Variants in HDGFL3 observed in about 807,000 individuals in gnomAD.
HDGFL3 encodes hepatoma-derived growth factor-related protein 3.
Under a neutral mutation model 27.6 loss-of-function variants are expected in HDGFL3, and 6 were observed. The observed-to-expected ratio is 0.22, with a 90% CI of 0.12 to 0.43. The LOEUF (loss-of-function observed/expected upper bound fraction) is 0.43, where lower values mean the gene tolerates loss of function less well. HDGFL3 is among the 20% of genes least tolerant of loss of function. The pLI is 1.00. For missense variants in HDGFL3, 207 were observed against 250.1 expected, an observed-to-expected ratio of 0.83 and a Z score of 1.16; for synonymous variants, 88 against 88.9, an observed-to-expected ratio of 0.99 and a Z score of 0.05.
intron 2 of HDGFL3, among the ~76,000 whole-genome samples, chr15:83,162,096 C>G (rs776577020): frequency 6.6e-6 from 1 of 152,112 alleles, no homozygotes; most frequent in Non-Finnish European, 1.5e-5. Context: ...TTTCACATAC[C>G]TCCCCTGCAT....
At chr15:83,178,723 G>C (rs2037344519) in intron 1 of HDGFL3, among the ~76,000 whole-genome samples, 1 of 152,010 alleles carries the variant, frequency 6.6e-6, no homozygotes, top group African/African-American at 2.4e-5. Context: ...GAAAAATTGG[G>C]TTACCATTTT....
At chr15:83,143,038 C>T (rs1327540288) in intron 5 of HDGFL3, among the ~76,000 whole-genome samples, 2 of 151,168 alleles carry the variant, frequency 1.3e-5, no homozygotes, top group African/African-American at 4.9e-5. Flanking sequence ...TTTTTTGAGA[C>T]GGAGTCTTGC....
At chr15:83,175,031 G>A (rs2151412686) in intron 1 of HDGFL3, among the ~76,000 whole-genome samples, 1 of 152,270 alleles carries the variant, frequency 6.6e-6, no homozygotes, top group Non-Finnish European at 1.5e-5. Flanking sequence ...ATATGAAAGT[G>A]AAAAAATCTA....
At chr15:83,115,930 C>T in intron 3 of HDGFL3, 2 of 1,613,412 alleles carry the variant, frequency 1.2e-6, no homozygotes, top group Non-Finnish European at 1.7e-6. Context: ...TCATGACACA[C>T]TACTTGAGAG....
downstream of HDGFL3, among the ~76,000 whole-genome samples, chr15:83,125,350 T>C (rs1354024652): frequency 6.6e-6 from 1 of 152,102 alleles, no homozygotes; most frequent in Non-Finnish European, 1.5e-5. Context: ...TCTTTATTAA[T>C]ATTTTACTGC....
intron 1 of HDGFL3, among the ~76,000 whole-genome samples, chr15:83,173,655 C>A (rs983115956): frequency 3.3e-5 from 5 of 152,118 alleles, no homozygotes; most frequent in Non-Finnish European, 7.4e-5. Context: ...TTCCAAGCAA[C>A]CCCATTCACT....
At chr15:83,161,528 A>C (rs1387749805) in intron 2 of HDGFL3, among the ~76,000 whole-genome samples, 5 of 152,078 alleles carry the variant, frequency 3.3e-5, no homozygotes, top group Non-Finnish European at 5.9e-5. Context: ...AAGAGTTAAC[A>C]ATTTTTGCCC....
intron 1 of HDGFL3, among the ~76,000 whole-genome samples, chr15:83,168,457 G>C (rs1282297828): frequency 2.0e-5 from 3 of 152,296 alleles, no homozygotes; most frequent in South Asian, 4.1e-4. Context: ...AATCGGAAGT[G>C]ACTAAGGTGA....
chr15:83,174,443 A>G (rs2151412348), intron 1 of HDGFL3, among the ~76,000 whole-genome samples: 1 of 151,660 alleles, frequency 6.6e-6, no homozygotes, highest in South Asian at 2.1e-4. Context: ...ATTTCCCATT[A>G]CCTACTATAA....
chr15:83,200,087 T>C (rs1322143085), intron 1 of HDGFL3, among the ~76,000 whole-genome samples: 2 of 146,400 alleles, frequency 1.4e-5, no homozygotes, highest in Non-Finnish European at 3.0e-5. Flanking sequence ...CTTACACCTG[T>C]AATCCCAGCA....
chr15:83,156,064 T>C (rs1419987984), intron 4 of HDGFL3, among the ~76,000 whole-genome samples: 2 of 152,238 alleles, frequency 1.3e-5, no homozygotes, highest in South Asian at 4.1e-4. Flanking sequence ...TTTCTCATTA[T>C]GGCCTACAAG....
At chr15:83,115,286 T>G (rs2034555637) in exon 4 of HDGFL3, 1 of 214,166 alleles carries the variant, frequency 4.7e-6, no homozygotes, top group Non-Finnish European at 9.5e-6. Flanking sequence ...CCCAGAAAAT[T>G]TTTGTATTTT....
intron 5 of HDGFL3, chr15:83,144,813 T>C (rs902445362): frequency 1.8e-5 from 6 of 333,512 alleles, no homozygotes; most frequent in Non-Finnish European, 2.9e-5. Context: ...GGACTGTTGA[T>C]GAGTCTTGAA....
At position 83,169,409 on chromosome 15, in the gene HDGFL3, C is replaced by T. The variant is rs1231375719; in HGVS notation, c.85-5334G>A. On this transcript the variant is annotated intron_variant, in intron 1 of 5. Transcript: ENST00000299633. ...CAGCCTGGGCGACAGAGCGAGACTCCGTCTCAAAAAAAAAAAAAAAAAAAA... is the reference window on the plus strand; with the variant it reads ...CAGCCTGGGCGACAGAGCGAGACTCTGTCTCAAAAAAAAAAAAAAAAAAAA... Among the ~76,000 whole-genome samples the T allele has an allele frequency of 1.0e-4, 8 of 77,240 alleles. 1 individual carries two copies. The highest frequency in any genetic ancestry group is 9.0e-4 in the Admixed American group (5 of 5,572). The allele number at this position is 77,240 out of a possible 152,430, so 50.7% of individuals were successfully genotyped here. A position where few individuals can be genotyped will look rare whatever the true frequency, so the allele number is the denominator to read the frequency against.
intron 1 of HDGFL3, among the ~76,000 whole-genome samples, chr15:83,202,965 C>T (rs1378650053): frequency 6.6e-6 from 1 of 152,082 alleles, no homozygotes; most frequent in African/African-American, 2.4e-5. Context: ...TATGTATGAG[C>T]ATTCTTGTAC....
In HDGFL3 at chr15:83,131,098, C is replaced by G. The variant is rs2036204746; in HGVS notation, c.*8172G>C. On this transcript the variant is annotated 3_prime_UTR_variant, in exon 6 of 6. Transcript: ENST00000299633. Reference sequence around the variant, plus strand: ...CAGAGAGAGACCCTGTCTCTCCCACCACCACAAAAAAACAAAACAAAACAA... The same window carrying G: ...CAGAGAGAGACCCTGTCTCTCCCACGACCACAAAAAAACAAAACAAAACAA... 1 of 151,886 alleles carries G rather than the reference C, an allele frequency of 6.6e-6. No homozygotes were observed. The highest frequency in any genetic ancestry group is 2.1e-4 in the South Asian group (1 of 4,814). The allele number at this position is 151,886 out of a possible 1,614,324, so 9.4% of individuals were successfully genotyped here. A position where few individuals can be genotyped will look rare whatever the true frequency, so the allele number is the denominator to read the frequency against.
intron 2 of HDGFL3, among the ~76,000 whole-genome samples, chr15:83,160,428 G>A (rs562096757): frequency 4.7e-4 from 72 of 151,968 alleles, no homozygotes; most frequent in South Asian, 1.9e-3. Context: ...CTTGTGATCC[G>A]CCCACCTCAG....
At position 83,207,131 on chromosome 15, in the gene HDGFL3, C is replaced by T. The variant is rs985874524; in HGVS notation, c.84+200G>A. Reference sequence around the variant, plus strand: ...GAAAGTGGGCGGAAGGATGGCCGCCCTGGCGGAGTGCGGGCGAGGCCGGGA... The same window carrying T: ...GAAAGTGGGCGGAAGGATGGCCGCCTTGGCGGAGTGCGGGCGAGGCCGGGA... On this transcript the variant is annotated intron_variant, in intron 1 of 5. Coordinates refer to ENST00000299633, the MANE Select transcript of HDGFL3 (RefSeq NM_016073.4). This position sits in a 1 kb window ranked among gnomAD's most constrained non-coding sequence, Gnocchi z 4.8. Among the ~76,000 whole-genome samples, 10 of 152,190 alleles carry T rather than the reference C, an allele frequency of 6.6e-5. 1 individual carries two copies. Among genetic ancestry groups the T allele is most frequent in the Admixed American group, 6.5e-4 (10 of 15,288 alleles).
intron 2 of HDGFL3, among the ~76,000 whole-genome samples, chr15:83,158,867 G>T (rs1278986955): frequency 6.6e-6 from 1 of 151,874 alleles, no homozygotes; most frequent in Non-Finnish European, 1.5e-5. Context: ...TTTTCAGATA[G>T]AGTTTTGCTC....
Sources: gnomAD v4.1 joint callset for allele counts (sites outside exome capture counted in the v4.1 genomes callset) on GRCh38, gnomAD v4.1.1 for gene constraint, Gnocchi (gnomAD v3.1) non-coding constraint, MANE v1.5 for transcripts, NCBI Gene and HGNC (gene_info 2026-07-23, HGNC 2026-07-21) for gene names.